Variants in ERO1B observed in about 807,000 individuals in gnomAD.
ERO1B encodes endoplasmic reticulum oxidoreductase 1 beta.
Under a neutral mutation model 75.3 loss-of-function variants are expected in ERO1B, and 49 were observed. The ratio of observed to expected loss-of-function variants is 0.65; its 90% CI spans 0.52 to 0.83. The LOEUF is 0.83. ERO1B is among the 40% of genes least tolerant of loss of function. The pLI, the probability that ERO1B is intolerant of heterozygous loss-of-function variation, is 0.00. For synonymous variants in ERO1B, 191 were observed against 192.9 expected, an observed-to-expected ratio of 0.99 and a Z score of 0.08; for missense variants, 512 against 560.1, an observed-to-expected ratio of 0.91 and a Z score of 0.87.
At chr1:236,235,856 C>T (rs1664528133) in intron 7 of ERO1B, 21 bp from the exon 8 acceptor site, 3 of 1,606,044 alleles carry the variant, frequency 1.9e-6, no homozygotes, top group East Asian at 2.2e-5. Context: ...AAGCATAATA[C>T]CCAAACATAG....
At chr1:236,265,750 A>G (rs1282161058) in intron 2 of ERO1B, among the ~76,000 whole-genome samples, 1 of 151,826 alleles carries the variant, frequency 6.6e-6, no homozygotes, top group Non-Finnish European at 1.5e-5. Context: ...TATATTTCCA[A>G]CTCTCCCTCT....
At position 236,281,888 on chromosome 1, in the gene ERO1B, T is replaced by C; in HGVS notation, c.-105A>G. Reference sequence around the variant, plus strand: ...GGACGGTTCCCAGCGGCCGAGCGACTCCAGGGTCAGAGGTCTGCACTCCAG... The same window carrying C: ...GGACGGTTCCCAGCGGCCGAGCGACCCCAGGGTCAGAGGTCTGCACTCCAG... On this transcript the variant is annotated 5_prime_UTR_variant, in exon 1 of 16. Transcript: ENST00000354619. The C allele has an allele frequency of 1.3e-6, 1 of 792,676 alleles. No individual in the cohort carries two copies. The allele number at this position is 792,676 out of a possible 1,614,324, so 49.1% of individuals were successfully genotyped here.
intron 2 of ERO1B, among the ~76,000 whole-genome samples, chr1:236,255,535 T>C (rs966996238): frequency 6.6e-6 from 1 of 152,188 alleles, no homozygotes. Context: ...GTATAATACA[T>C]AGTAGACACC....
rs1663948733 is a variant in ERO1B, at chr1:236,215,545, A to C, written c.*2971T>G. ...ACTTAAAATAGCGGGGAAAAACAAGACAGAAAAGATTGCAGAAACATGTAC... is the reference window on the plus strand; with the variant it reads ...ACTTAAAATAGCGGGGAAAAACAAGCCAGAAAAGATTGCAGAAACATGTAC... On this transcript the variant is annotated 3_prime_UTR_variant, in exon 16 of 16. Coordinates refer to ENST00000354619, the MANE Select transcript of ERO1B (RefSeq NM_019891.4). 6.6e-6 allele frequency: 1 copy of C among 152,192 alleles called. No individual in the cohort carries two copies. Among genetic ancestry groups the C allele is most frequent in the Non-Finnish European group, 1.5e-5 (1 of 68,042 alleles). The allele number at this position is 152,192 out of a possible 1,614,324, so 9.4% of individuals were successfully genotyped here.
chr1:236,255,838 G>A (rs549138197), intron 2 of ERO1B, among the ~76,000 whole-genome samples: 2 of 152,222 alleles, frequency 1.3e-5, no homozygotes, highest in African/African-American at 2.4e-5. Context: ...TCCTGGACAA[G>A]GCATTCATAG....
At chr1:236,262,058 C>T (rs1665305544) in intron 2 of ERO1B, among the ~76,000 whole-genome samples, 1 of 152,244 alleles carries the variant, frequency 6.6e-6, no homozygotes. Context: ...AAGGTGGACT[C>T]ATTGCACACT....
chr1:236,281,609 A>T (rs2102970368), intron 1 of ERO1B, 73 bp downstream of exon 1: 2 of 818,746 alleles, frequency 2.4e-6, no homozygotes, highest in Non-Finnish European at 3.2e-6. Context: ...TCCCCGCGTC[A>T]CAGCCGCGGC....
chr1:236,258,446 G>T (rs1572059349), intron 2 of ERO1B, among the ~76,000 whole-genome samples: 1 of 152,120 alleles, frequency 6.6e-6, no homozygotes, highest in East Asian at 1.9e-4. Context: ...TATATCCAGT[G>T]ATCCTGTTCT....
rs1181438498 is a variant in ERO1B, at chr1:236,253,589, A to T, written c.223-84T>A. The T allele has an allele frequency of 3.4e-5, 28 of 828,140 alleles. No individual in the cohort carries two copies. The South Asian group carries it at 3.6e-4, about 11-fold the overall frequency. 51.3% of individuals were successfully genotyped at this position (828,140 alleles called of 1,614,324 possible). ...TGTCATTGTGTTGGGCACCAGTGAC[A>T]TGGTGGTGAATAAGAAGGAATACTT... On this transcript the variant is annotated intron_variant, in intron 2 of 15. Transcript: ENST00000354619.
chr1:236,241,615 A>G (rs1340354399), intron 6 of ERO1B, among the ~76,000 whole-genome samples: 3 of 152,210 alleles, frequency 2.0e-5, no homozygotes, highest in East Asian at 1.9e-4. Context: ...TACAACTCAG[A>G]AGAGTCATGG....
Position 236,226,256 on chromosome 1 carries a change from A to G in ERO1B, c.1052+13T>C, listed in dbSNP as rs754907232. Reference sequence around the variant, plus strand: ...GAGAGGAGAATTTCAAATCACGGATAGTCAATTCTTACTTTGTATCTTGAA... The same window carrying G: ...GAGAGGAGAATTTCAAATCACGGATGGTCAATTCTTACTTTGTATCTTGAA... On this transcript the variant is annotated intron_variant, in intron 12 of 15. Transcript: ENST00000354619. The G allele has an allele frequency of 1.2e-6, 2 of 1,611,254 alleles. No homozygotes were observed. Among genetic ancestry groups the G allele is most frequent in the African/African-American group, 1.3e-5 (1 of 74,780 alleles).
In ERO1B at chr1:236,281,810, G is replaced by A. The variant is rs763292117; in HGVS notation, c.-27C>T. The A allele has an allele frequency of 7.9e-6, 11 of 1,397,248 alleles. No homozygotes were observed. Among genetic ancestry groups the A allele is most frequent in the Non-Finnish European group, 1.0e-5 (11 of 1,064,940 alleles). 86.6% of individuals were successfully genotyped at this position (1,397,248 alleles called of 1,614,324 possible). On this transcript the variant is annotated 5_prime_UTR_variant, in exon 1 of 16. Transcript: ENST00000354619. ...CTGACCTCTACCCACACCGCGGCCA[G>A]CCGGACCCCTCGGGGCCGGGGAACG...
At chr1:236,281,582 C>CCGGCCCTGCG in intron 1 of ERO1B, 100 bp downstream of exon 1, 1 of 889,030 alleles carries the variant, frequency 1.1e-6, no homozygotes, top group Non-Finnish European at 1.5e-6. Flanking sequence ...CTTTTCTGGC[C>CCGGCCCTGCG]CGGCCCTGCC....
rs1333595924 is a variant in ERO1B at position 236,216,245 on chromosome 1, GA to G, written c.*2270del. ...GTGCTGGGTTTTTAAATTAGGTGAT[GA>G]GATAAAGACAAAATGCCAGAGCACC... On this transcript the variant is annotated 3_prime_UTR_variant, in exon 16 of 16. Coordinates refer to ENST00000354619, the MANE Select transcript of ERO1B (RefSeq NM_019891.4). 1 of 152,090 alleles carries G rather than the reference GA, an allele frequency of 6.6e-6. No homozygotes were observed. Among genetic ancestry groups the G allele is most frequent in the Non-Finnish European group, 1.5e-5 (1 of 67,978 alleles). 9.4% of individuals were successfully genotyped at this position (152,090 alleles called of 1,614,324 possible). A position where few individuals can be genotyped will look rare whatever the true frequency, so the allele number is the denominator to read the frequency against.
chr1:236,220,705 T>C lies in ERO1B; in HGVS notation c.1343+127A>G, dbSNP rs143287295. The C allele has an allele frequency of 1.9e-4, 179 of 963,380 alleles. 1 individual carries two copies. In the East Asian group the frequency reaches 4.9e-3, roughly 26 times the overall value. The allele number at this position is 963,380 out of a possible 1,614,324, so 59.7% of individuals were successfully genotyped here. ...CAGCATTAAGGCCTCTCTAAGTTAGTACAGATACAATATAAAATTTTTTTT... is the reference window on the plus strand; with the variant it reads ...CAGCATTAAGGCCTCTCTAAGTTAGCACAGATACAATATAAAATTTTTTTT... On this transcript the variant is annotated intron_variant, in intron 15 of 15. Coordinates refer to ENST00000354619, the MANE Select transcript of ERO1B (RefSeq NM_019891.4).
Position 236,225,144 on chromosome 1 carries a change from T to G in ERO1B, c.1053-5A>C. 1 of 1,613,870 alleles carries G rather than the reference T, an allele frequency of 6.2e-7. No individual in the cohort carries two copies. Among genetic ancestry groups the G allele is most frequent in the Non-Finnish European group, 8.5e-7 (1 of 1,179,784 alleles). ...TCAAAGTGCATGGGAAAGGACCTGATAAAATGATAGTATTGGATTAAGTTA... is the reference window on the plus strand; with the variant it reads ...TCAAAGTGCATGGGAAAGGACCTGAGAAAATGATAGTATTGGATTAAGTTA... On this transcript the variant is annotated splice_polypyrimidine_tract_variant and splice_region_variant and intron_variant, in intron 12 of 15. Coordinates refer to ENST00000354619, the MANE Select transcript of ERO1B (RefSeq NM_019891.4).
At chr1:236,257,560 C>A (rs1319985453) in intron 2 of ERO1B, among the ~76,000 whole-genome samples, 32 of 125,534 alleles carry the variant, frequency 2.5e-4, no homozygotes, top group East Asian at 3.4e-4. Context: ...AAATATGCTC[C>A]AAAAAAAAAA....
chr1:236,236,221 C>G (rs1462578369), intron 7 of ERO1B, 57 bp downstream of exon 7: 4 of 1,605,106 alleles, frequency 2.5e-6, no homozygotes, highest in Admixed American at 1.7e-5. Flanking sequence ...GCCACAGCAC[C>G]CGGCCTCTCC....
Position 236,217,557 on chromosome 1 carries a change from CTTACT to C in ERO1B, c.*954_*958del, listed in dbSNP as rs1433688284. On this transcript the variant is annotated 3_prime_UTR_variant, in exon 16 of 16. Coordinates refer to ENST00000354619, the MANE Select transcript of ERO1B (RefSeq NM_019891.4). ...TTCTAAAATAAATCCTTTAAAAATG[CTTACT>C]TTAAGTGAAAATAGCAAATTTTGTG... is the stretch of plus-strand genomic sequence containing the variant. The C allele has an allele frequency of 2.0e-5, 3 of 152,492 alleles. No homozygotes were observed. Among genetic ancestry groups the C allele is most frequent in the Admixed American group, 6.6e-5 (1 of 15,256 alleles). 9.4% of individuals were successfully genotyped at this position (152,492 alleles called of 1,614,324 possible). A position where few individuals can be genotyped will look rare whatever the true frequency, so the allele number is the denominator to read the frequency against.
Sources: gnomAD v4.1 joint callset for allele counts (sites outside exome capture counted in the v4.1 genomes callset) on GRCh38, gnomAD v4.1.1 for gene constraint, MANE v1.5 for transcripts, NCBI Gene and HGNC (gene_info 2026-07-23, HGNC 2026-07-21) for gene names.